ZC3H7B: variants seen among roughly 807,000 people sequenced by gnomAD.
The protein encoded by ZC3H7B is zinc finger CCCH domain-containing protein 7B.
ZC3H7B carries 35 observed loss-of-function variants against 116.0 expected under a neutral mutation model. That is an observed-to-expected ratio of 0.30 (90% confidence interval 0.23 to 0.40). The LOEUF (loss-of-function observed/expected upper bound fraction) is 0.40. ZC3H7B is among the 10% of genes least tolerant of loss of function. The pLI is 1.00. For missense variants in ZC3H7B, 1,011 were observed against 1,321.5 expected, an observed-to-expected ratio of 0.77 and a Z score of 3.64; for synonymous variants, 502 against 545.6, an observed-to-expected ratio of 0.92 and a Z score of 1.11.
intron 1 of ZC3H7B, among the ~76,000 whole-genome samples, chr22:41,305,392 C>T (rs1227593119): frequency 6.6e-6 from 1 of 150,876 alleles, no homozygotes; most frequent in Non-Finnish European, 1.5e-5. Context: ...TGCCTGTAAT[C>T]CTAGCTACTC....
rs541227496 is a variant in ZC3H7B, at chr22:41,338,930, G to A, written c.626-71G>A. On this transcript the variant is annotated intron_variant, in intron 8 of 22. Transcript: ENST00000352645. The surrounding 1 kb of genome is among the most constrained non-coding windows in gnomAD (Gnocchi z 4.5). ...AGGGAAAGTGTTGGATGAGCATCACGGGGCCCGGGACGCCTCCTCCACCCT... is the reference window on the plus strand; with the variant it reads ...AGGGAAAGTGTTGGATGAGCATCACAGGGCCCGGGACGCCTCCTCCACCCT... The A allele has an allele frequency of 2.0e-4, 286 of 1,423,132 alleles. 3 individuals are homozygous for A. Among genetic ancestry groups the A allele is most frequent in the South Asian group, 4.4e-4 (29 of 66,062 alleles). 88.2% of individuals were successfully genotyped at this position (1,423,132 alleles called of 1,614,324 possible).
At chr22:41,331,481 G>T (rs2036383742) in intron 6 of ZC3H7B, among the ~76,000 whole-genome samples, 1 of 150,466 alleles carries the variant, frequency 6.6e-6, no homozygotes, top group South Asian at 2.1e-4. Context: ...TGTGAACCCA[G>T]GAGGCGGGAC....
intron 9 of ZC3H7B, 92 bp from the exon 10 acceptor site, chr22:41,339,724 T>A: frequency 1.6e-6 from 2 of 1,222,684 alleles, no homozygotes; most frequent in Non-Finnish European, 2.3e-6. Flanking sequence ...GGCGACAGGG[T>A]GCAGGTCTCC....
At chr22:41,324,013 T>C (rs2036288775) in intron 2 of ZC3H7B, among the ~76,000 whole-genome samples, 1 of 150,670 alleles carries the variant, frequency 6.6e-6, no homozygotes, top group South Asian at 2.1e-4. Flanking sequence ...GAGGTTGCAG[T>C]GAGCCGAGAT....
chr22:41,312,082 G>A (rs1035746463), intron 1 of ZC3H7B, among the ~76,000 whole-genome samples: 4 of 151,322 alleles, frequency 2.6e-5, no homozygotes, highest in East Asian at 1.9e-4. Flanking sequence ...GCGTGAACCC[G>A]GGAGGCGGAG....
At chr22:41,310,214 A>T (rs574711915) in intron 1 of ZC3H7B, among the ~76,000 whole-genome samples, 1 of 152,260 alleles carries the variant, frequency 6.6e-6, no homozygotes, top group East Asian at 1.9e-4. Flanking sequence ...ATCAACATTG[A>T]GTGATTGAAA....
chr22:41,356,887 T>A, intron 22 of ZC3H7B, 79 bp downstream of exon 22: 1 of 1,588,134 alleles, frequency 6.3e-7, no homozygotes, highest in Non-Finnish European at 8.6e-7. Flanking sequence ...CTGGCTCCTC[T>A]TGGCCTGGAG....
At chr22:41,348,861 G>A (rs965617774) in intron 15 of ZC3H7B, among the ~76,000 whole-genome samples, 1 of 152,230 alleles carries the variant, frequency 6.6e-6, no homozygotes, top group African/African-American at 2.4e-5. Context: ...CCTGAGGGCG[G>A]TGCCCTTTGC....
At chr22:41,334,210 C>T (rs1160726400) in intron 7 of ZC3H7B, 1 of 152,274 alleles carries the variant, frequency 6.6e-6, no homozygotes, top group Non-Finnish European at 1.5e-5. Flanking sequence ...TTGAGCACTG[C>T]TTTGTACCCA....
At chr22:41,339,655 A>G (rs1227005340) in intron 9 of ZC3H7B, among the ~76,000 whole-genome samples, 161 bp from the exon 10 acceptor site, 3 of 151,630 alleles carry the variant, frequency 2.0e-5, no homozygotes, top group African/African-American at 7.3e-5. Context: ...AAGCTGCACA[A>G]TGTCTGGCCA....
intron 2 of ZC3H7B, among the ~76,000 whole-genome samples, chr22:41,325,015 T>A (rs2036300039): frequency 6.6e-6 from 1 of 152,228 alleles, no homozygotes; most frequent in Non-Finnish European, 1.5e-5. Flanking sequence ...GATTTTCCTC[T>A]TGTCCTTTTC....
At position 41,339,074 on chromosome 22, in the gene ZC3H7B, T is replaced by C; in HGVS notation, c.699T>C (p.Val233=). ...STPTMPLFPH[V]LDLLAPLDSS... is the part of the protein sequence containing the mutation. Reference sequence around the variant, plus strand: ...CCACGATGCCCCTGTTCCCTCACGTTCTGGACCTGCTGGCCCCCCTGGACA... The same window carrying C: ...CCACGATGCCCCTGTTCCCTCACGTCCTGGACCTGCTGGCCCCCCTGGACA... Residue 233 remains valine, a synonymous_variant, in exon 9 of 23, where the codon GTT becomes GTC. Coordinates refer to ENST00000352645, the MANE Select transcript of ZC3H7B (RefSeq NM_017590.6). 6.2e-7 allele frequency: 1 copy of C among 1,612,982 alleles called. No homozygotes were observed. Among genetic ancestry groups the C allele is most frequent in the Non-Finnish European group, 8.5e-7 (1 of 1,179,542 alleles).
chr22:41,305,238 G>T (rs1203339284), intron 1 of ZC3H7B, among the ~76,000 whole-genome samples: 1 of 152,056 alleles, frequency 6.6e-6, no homozygotes, highest in Non-Finnish European at 1.5e-5. Context: ...GCAGCTACTT[G>T]GGAGGCTGAG....
chr22:41,314,298 A>C (rs2036153719), intron 1 of ZC3H7B, among the ~76,000 whole-genome samples: 1 of 151,602 alleles, frequency 6.6e-6, no homozygotes, highest in African/African-American at 2.4e-5. Flanking sequence ...TTGGGACTAT[A>C]GGCGAGTGCC....
intron 22 of ZC3H7B, 115 bp downstream of exon 22, chr22:41,356,923 TG>T: frequency 6.8e-7 from 1 of 1,476,418 alleles, no homozygotes; most frequent in South Asian, 1.3e-5. Flanking sequence ...TGGTGAGGCT[TG>T]GCTGTGACTG....
intron 17 of ZC3H7B, among the ~76,000 whole-genome samples, chr22:41,352,313 G>T (rs2036662731): frequency 6.6e-6 from 1 of 152,182 alleles, no homozygotes; most frequent in African/African-American, 2.4e-5. Context: ...CGTCATCTCA[G>T]TGTGTCCCTT....
Position 41,349,390 on chromosome 22 carries a change from G to A in ZC3H7B, c.1948+89G>A. On this transcript the variant is annotated intron_variant, in intron 16 of 22. Coordinates refer to ENST00000352645, the MANE Select transcript of ZC3H7B (RefSeq NM_017590.6). The surrounding 1 kb of genome is among the most constrained non-coding windows in gnomAD (Gnocchi z 4.9). ...AAGGGAGCGCAGGACTGACTGGGGTGACAGGCCAGGGCCCCATGGTCGCTG... is the reference window on the plus strand; with the variant it reads ...AAGGGAGCGCAGGACTGACTGGGGTAACAGGCCAGGGCCCCATGGTCGCTG... 3 of 1,528,212 alleles carry A rather than the reference G, an allele frequency of 2.0e-6. No homozygotes were observed. The highest frequency in any genetic ancestry group is 4.5e-5 in the East Asian group (2 of 43,974). The allele number at this position is 1,528,212 out of a possible 1,614,324, so 94.7% of individuals were successfully genotyped here.
At chr22:41,313,305 G>T (rs1490992218) in intron 1 of ZC3H7B, among the ~76,000 whole-genome samples, 1 of 152,056 alleles carries the variant, frequency 6.6e-6, no homozygotes, top group African/African-American at 2.4e-5. Context: ...ATTTTTAGTA[G>T]AGATGGGGTT....
rs2036759906 is a variant in ZC3H7B at position 41,359,409 on chromosome 22, ATTAGGAGGGT to A, written c.*1983_*1992del. 6.6e-6 allele frequency: 1 copy of A among 152,164 alleles called. No homozygotes were observed. The highest frequency in any genetic ancestry group is 1.5e-5 in the Non-Finnish European group (1 of 68,052). The allele number at this position is 152,164 out of a possible 1,614,324, so 9.4% of individuals were successfully genotyped here. ...CAGAAAATGCAGCCATCCTTGTGTG[ATTAGGAGGGT>A]TTCAGGGGCCACTGGACTATTTGCA... On this transcript the variant is annotated 3_prime_UTR_variant, in exon 23 of 23. Transcript: ENST00000352645.
Sources: gnomAD v4.1 joint callset for allele counts (sites outside exome capture counted in the v4.1 genomes callset) on GRCh38, gnomAD v4.1.1 for gene constraint, Gnocchi (gnomAD v3.1) non-coding constraint, MANE v1.5 for transcripts, NCBI Gene and HGNC (gene_info 2026-07-23, HGNC 2026-07-21) for gene names.